Variants in ATRNL1 observed in about 807,000 individuals in gnomAD.
ATRNL1 encodes the protein attractin like 1, also known as attractin-like protein 1.
ATRNL1 carries 95 observed loss-of-function variants against 182.7 expected under a neutral mutation model. The ratio of observed to expected loss-of-function variants is 0.52; its 90% confidence interval spans 0.44 to 0.62. The LOEUF (loss-of-function observed/expected upper bound fraction) is 0.62, where lower values mean the gene tolerates loss of function less well. Among genes scored for constraint, ATRNL1 ranks in the 20% least tolerant of loss-of-function variants. The pLI is 0.00. For synonymous variants in ATRNL1, 576 were observed against 568.3 expected, an observed-to-expected ratio of 1.01 and a Z score of -0.19; for missense variants, 1,471 against 1,679.5, an observed-to-expected ratio of 0.88 and a Z score of 2.17.
At chr10:115,833,346 TC>T (rs1950599779) in intron 27 of ATRNL1, among the ~76,000 whole-genome samples, 1 of 152,136 alleles carries the variant, frequency 6.6e-6, no homozygotes, top group Admixed American at 6.6e-5. Context: ...GAGCCAAGAT[TC>T]AAACTTGATT....
intron 26 of ATRNL1, among the ~76,000 whole-genome samples, chr10:115,659,240 C>T (rs1352875235): frequency 6.6e-6 from 1 of 151,988 alleles, no homozygotes. Context: ...ATATAGTTTC[C>T]CTGCACTCTG....
chr10:115,703,452 A>C (rs2134000554), intron 26 of ATRNL1, among the ~76,000 whole-genome samples: 1 of 151,840 alleles, frequency 6.6e-6, no homozygotes, highest in South Asian at 2.1e-4. Context: ...GCAAAAGAGA[A>C]CATTGTTATA....
At chr10:115,663,176 A>G (rs918258794) in intron 26 of ATRNL1, among the ~76,000 whole-genome samples, 5 of 152,062 alleles carry the variant, frequency 3.3e-5, no homozygotes, top group Non-Finnish European at 7.4e-5. Flanking sequence ...ACTATGAATT[A>G]TTATTATTTC....
intron 25 of ATRNL1, among the ~76,000 whole-genome samples, 153 bp from the exon 26 acceptor site, chr10:115,549,305 T>A (rs1852835327): frequency 6.6e-6 from 1 of 152,076 alleles, no homozygotes; most frequent in African/African-American, 2.4e-5. Flanking sequence ...TGAGAGAACA[T>A]TTTAAGCATT....
intron 1 of ATRNL1, among the ~76,000 whole-genome samples, chr10:115,101,103 G>A (rs992621630): frequency 6.6e-6 from 1 of 152,026 alleles, no homozygotes; most frequent in Non-Finnish European, 1.5e-5. Context: ...CTTATTACTT[G>A]TGGTAGATTT....
At chr10:115,226,369 G>A (rs1165219010) in intron 9 of ATRNL1, among the ~76,000 whole-genome samples, 1 of 151,960 alleles carries the variant, frequency 6.6e-6, no homozygotes, top group South Asian at 2.1e-4. Context: ...AATGGAATTT[G>A]AGTAGTTTTA....
intron 27 of ATRNL1, among the ~76,000 whole-genome samples, chr10:115,832,860 A>G (rs1225996553): frequency 6.6e-6 from 1 of 152,120 alleles, no homozygotes; most frequent in Non-Finnish European, 1.5e-5. Flanking sequence ...CCCCTGCCCC[A>G]GCTCTGACAA....
At position 115,353,816 on chromosome 10, in the gene ATRNL1, G is replaced by C. The variant is rs190134291; in HGVS notation, c.3175+19397G>C. The stretch of plus-strand genomic sequence containing the variant: ...AATTGATAAAAACTCTAATCTCAAA[G>C]AAGAGGGAACAAAAGGAAAACAAGC... On this transcript the variant is annotated intron_variant, in intron 19 of 28. Coordinates refer to ENST00000355044, the MANE Select transcript of ATRNL1 (RefSeq NM_207303.4). Among the ~76,000 whole-genome samples, 418 of 152,164 alleles carry C rather than the reference G, an allele frequency of 2.7e-3. 3 individuals are homozygous for C. Among genetic ancestry groups the C allele is most frequent in the African/African-American group, 9.6e-3 (399 of 41,522 alleles).
At chr10:115,156,508 A>G (rs1554882117) in intron 5 of ATRNL1, among the ~76,000 whole-genome samples, 2 of 152,114 alleles carry the variant, frequency 1.3e-5, no homozygotes, top group East Asian at 1.9e-4. Context: ...TACATTTGGG[A>G]TATATCAGAG....
chr10:115,772,623 G>GTGTGTGTT lies in ATRNL1; in HGVS notation c.3903+45275_3903+45276insTTGTGTGT, dbSNP rs1949022908. On this transcript the variant is annotated intron_variant, in intron 27 of 28. Coordinates refer to ENST00000355044, the MANE Select transcript of ATRNL1 (RefSeq NM_207303.4). ...TGTGTGTGTGTGTGTGTGTGTGTGT[G>GTGTGTGTT]TGTGTGTGTATTACACAAACTCTCC... Among the ~76,000 whole-genome samples, 3 of 151,260 alleles carry GTGTGTGTT rather than the reference G, an allele frequency of 2.0e-5. No homozygotes were observed. The Admixed American group carries it at 2.0e-4, about 10-fold the overall frequency.
chr10:115,900,956 T>C lies in ATRNL1; in HGVS notation c.4019-43702T>C, dbSNP rs1345017215. Among the ~76,000 whole-genome samples the C allele has an allele frequency of 2.0e-5, 3 of 152,152 alleles. No homozygotes were observed. The East Asian group carries it at 5.8e-4, about 29-fold the overall frequency. On this transcript the variant is annotated intron_variant, in intron 28 of 28. Transcript: ENST00000355044. ...CACTAGTAATCAGTGAAATGCAAAT[T>C]ATAGCTACTTTACATCCACCTGATT... is the stretch of plus-strand genomic sequence containing the variant.
intron 26 of ATRNL1, among the ~76,000 whole-genome samples, chr10:115,680,950 C>A (rs1300486116): frequency 6.6e-6 from 1 of 152,076 alleles, no homozygotes; most frequent in Non-Finnish European, 1.5e-5. Flanking sequence ...CCTGGTATTG[C>A]ACTTTTTGTG....
At chr10:115,791,764 C>G (rs1380185417) in intron 27 of ATRNL1, among the ~76,000 whole-genome samples, 1 of 152,044 alleles carries the variant, frequency 6.6e-6, no homozygotes, top group Non-Finnish European at 1.5e-5. Flanking sequence ...TTTGGCATAC[C>G]ACTACTAGAT....
intron 27 of ATRNL1, among the ~76,000 whole-genome samples, chr10:115,758,532 G>T (rs961636515): frequency 6.6e-6 from 1 of 152,206 alleles, no homozygotes; most frequent in Non-Finnish European, 1.5e-5. Context: ...CCAGATGCCA[G>T]CCAGAGCTCT....
At chr10:115,340,168 G>A (rs1224911504) in intron 19 of ATRNL1, among the ~76,000 whole-genome samples, 3 of 152,212 alleles carry the variant, frequency 2.0e-5, no homozygotes, top group Non-Finnish European at 2.9e-5. Flanking sequence ...TTTTGACATG[G>A]AGTCTCGCTC....
intron 27 of ATRNL1, among the ~76,000 whole-genome samples, chr10:115,817,767 G>GTT (rs35789775): frequency 0.023 from 3,314 of 145,676 alleles, 183 homozygotes; most frequent in Admixed American, 0.14. Flanking sequence ...TAAAAAAGTA[G>GTT]TTTTTTTTTT....
At chr10:115,750,977 C>A (rs1425125563) in intron 27 of ATRNL1, among the ~76,000 whole-genome samples, 3 of 151,922 alleles carry the variant, frequency 2.0e-5, no homozygotes, top group Admixed American at 1.3e-4. Flanking sequence ...AGAAAAGTGA[C>A]CCCCAAAGAT....
intron 25 of ATRNL1, among the ~76,000 whole-genome samples, chr10:115,535,625 G>C (rs190561453): frequency 6.6e-6 from 1 of 152,206 alleles, no homozygotes; most frequent in East Asian, 1.9e-4. Flanking sequence ...GTCATTCTCC[G>C]TCCAGCTTTG....
intron 27 of ATRNL1, among the ~76,000 whole-genome samples, chr10:115,764,114 A>G (rs1171225370): frequency 6.6e-6 from 1 of 152,174 alleles, no homozygotes; most frequent in Non-Finnish European, 1.5e-5. Flanking sequence ...CATATCAGCA[A>G]TTAAGGAACA....
Sources: gnomAD v4.1 joint callset for allele counts (sites outside exome capture counted in the v4.1 genomes callset) on GRCh38, gnomAD v4.1.1 for gene constraint, MANE v1.5 for transcripts, NCBI Gene and HGNC (gene_info 2026-07-23, HGNC 2026-07-21) for gene names.